Variants in SEMA5B observed in about 807,000 individuals in gnomAD.
SEMA5B encodes the protein semaphorin 5B, also known as semaphorin-5B.
In SEMA5B, 66 loss-of-function variants were observed where a neutral mutation model predicts 135.0. The ratio of observed to expected loss-of-function variants is 0.49; its 90% CI spans 0.40 to 0.60. The LOEUF is 0.60. Ranked by LOEUF, SEMA5B falls within the 20% of genes least tolerant of loss-of-function variation. The pLI is 0.00. For missense variants in SEMA5B, 1,501 were observed against 1,566.3 expected (o/e 0.96, Z 0.70); for synonymous variants, 690 against 639.5 (o/e 1.08, Z -1.19).
chr3:122,912,876 CG>C lies in SEMA5B; in HGVS notation c.2691del (p.Glu898SerfsTer154). 1.2e-6 allele frequency: 2 copies of C among 1,604,710 alleles called. No individual in the cohort carries two copies. The highest frequency in any genetic ancestry group is 1.7e-6 in the Non-Finnish European group (2 of 1,175,218). On this transcript the variant is annotated frameshift_variant, in exon 18 of 23. Transcript: ENST00000357599. LOFTEE classifies it high-confidence loss of function. Reference protein sequence around the residue: ...NGGLPCVGDAAEYQDCNPQAC... With the variant: ...NGGLPCVGDAXEYQDCNPQAC... The stretch of plus-strand genomic sequence containing the variant: ...GCCTGGGGGTTGCAGTCCTGGTACT[CG>C]GCAGCATCGCCCACGCAGGGCAGGC...
intron 1 of SEMA5B, among the ~76,000 whole-genome samples, chr3:123,023,783 T>C (rs1942742741): frequency 6.6e-6 from 1 of 152,226 alleles, no homozygotes; most frequent in Admixed American, 6.5e-5. Flanking sequence ...CCCTTAGTCA[T>C]GCTGATTTAC....
At chr3:122,972,990 C>G (rs1403631713) in intron 1 of SEMA5B, among the ~76,000 whole-genome samples, 3 of 152,172 alleles carry the variant, frequency 2.0e-5, no homozygotes, top group Non-Finnish European at 4.4e-5. Context: ...CCACTGGGAG[C>G]TGGGAGCCTG....
intron 1 of SEMA5B, among the ~76,000 whole-genome samples, chr3:122,995,707 A>T (rs1196765492): frequency 6.6e-6 from 1 of 152,178 alleles, no homozygotes; most frequent in African/African-American, 2.4e-5. Context: ...GGGGGCCAGG[A>T]GGTTTGGGTT....
intron 1 of SEMA5B, among the ~76,000 whole-genome samples, chr3:122,969,669 C>T (rs1576377164): frequency 1.3e-5 from 2 of 152,298 alleles, no homozygotes; most frequent in Non-Finnish European, 2.9e-5. Context: ...ATTGATATTT[C>T]TGTGTCCCAC....
chr3:122,948,349 G>A (rs1208951074), intron 3 of SEMA5B, among the ~76,000 whole-genome samples, 157 bp downstream of exon 3: 3 of 152,180 alleles, frequency 2.0e-5, no homozygotes, highest in African/African-American at 7.2e-5. Flanking sequence ...AAAACATCCA[G>A]CACCAGAGGA....
chr3:122,948,456 T>C (rs1490665015), intron 3 of SEMA5B, 50 bp downstream of exon 3: 1 of 1,516,388 alleles, frequency 6.6e-7, no homozygotes. Flanking sequence ...ACCTAAGTCC[T>C]TCAGGACACG....
chr3:123,000,856 C>A (rs1222056865), intron 1 of SEMA5B, among the ~76,000 whole-genome samples: 1 of 152,172 alleles, frequency 6.6e-6, no homozygotes, highest in African/African-American at 2.4e-5. Flanking sequence ...CCAAAACAGC[C>A]CCATACTTTC....
At chr3:122,966,507 A>C (rs1940826335) in intron 1 of SEMA5B, among the ~76,000 whole-genome samples, 1 of 151,510 alleles carries the variant, frequency 6.6e-6, no homozygotes, top group Admixed American at 6.6e-5. Flanking sequence ...GGGAGTGCCA[A>C]CTCAGCATGG....
chr3:122,953,561 C>T (rs975311233), intron 2 of SEMA5B, among the ~76,000 whole-genome samples: 1 of 152,130 alleles, frequency 6.6e-6, no homozygotes, highest in Non-Finnish European at 1.5e-5. Flanking sequence ...AAGGGAAGGA[C>T]AGGACATGAC....
upstream of SEMA5B, chr3:123,028,580 C>T (rs1942862618): frequency 6.6e-6 from 1 of 152,070 alleles, no homozygotes; most frequent in African/African-American, 2.4e-5. Flanking sequence ...AGGTTTAGCG[C>T]AATCACAAGG....
chr3:122,931,836 T>C (rs959439527), intron 5 of SEMA5B, among the ~76,000 whole-genome samples: 3 of 152,134 alleles, frequency 2.0e-5, no homozygotes, highest in Non-Finnish European at 4.4e-5. Context: ...ACAGGTTTTC[T>C]GACACACCAG....
In SEMA5B at chr3:122,926,660, C is replaced by T; in HGVS notation, c.868G>A (p.Ala290Thr). The T allele has an allele frequency of 6.2e-7, 1 of 1,611,526 alleles. No homozygotes were observed. The highest frequency in any genetic ancestry group is 8.5e-7 in the Non-Finnish European group (1 of 1,177,740). The change falls in exon 9 of 23, where the codon GCC (alanine) becomes ACC (threonine). Residue 290 changes from alanine to threonine, a missense_variant. By Grantham distance (58) the Ala-to-Thr change is moderately conservative (BLOSUM62 0). This residue lies in a region of SEMA5B where 574 missense variants were observed against 684.7 expected (regional missense o/e 0.84). Coordinates refer to ENST00000357599, the MANE Select transcript of SEMA5B (RefSeq NM_001031702.4). ...TATGCAAACAGCCCAATATCATAGG[C>T]TGCCACGAAGTTTGGCTCTGGGTGG... ...KWLNEPNFVA[A>T]YDIGLFAYFF...
At chr3:122,914,520 C>A (rs1042062664) in intron 14 of SEMA5B, among the ~76,000 whole-genome samples, 1 of 152,202 alleles carries the variant, frequency 6.6e-6, no homozygotes, top group African/African-American at 2.4e-5. Context: ...GTTACTAGAA[C>A]CTTCTGTAAC....
At chr3:123,026,755 A>G (rs1427568513) in intron 1 of SEMA5B, among the ~76,000 whole-genome samples, 1 of 152,118 alleles carries the variant, frequency 6.6e-6, no homozygotes, top group Non-Finnish European at 1.5e-5. Flanking sequence ...ACAAATTACC[A>G]TGAGAAACAT....
intron 1 of SEMA5B, among the ~76,000 whole-genome samples, chr3:122,991,416 T>C (rs1941873798): frequency 6.6e-6 from 1 of 152,132 alleles, no homozygotes; most frequent in African/African-American, 2.4e-5. Flanking sequence ...ATTTTGCCCT[T>C]GGGGGAACTT....
chr3:122,923,795 C>T (rs774124161), intron 9 of SEMA5B, 43 bp from the exon 10 acceptor site: 1 of 1,611,624 alleles, frequency 6.2e-7, no homozygotes, highest in Non-Finnish European at 8.5e-7. Context: ...CCCTGTAAGA[C>T]CTGGCACCCT....
intron 1 of SEMA5B, among the ~76,000 whole-genome samples, chr3:123,007,439 C>T (rs967131325): frequency 5.9e-5 from 9 of 152,174 alleles, no homozygotes; most frequent in African/African-American, 1.9e-4. Context: ...TCCCCTTATC[C>T]ATACTGCTAT....
At chr3:122,915,398 C>G (rs745571373) in intron 14 of SEMA5B, 42 bp downstream of exon 14, 1 of 1,555,530 alleles carries the variant, frequency 6.4e-7, no homozygotes, top group South Asian at 1.2e-5. Context: ...TCTCCCCACC[C>G]TGGTCCAAGG....
At chr3:122,949,008 T>G (rs555195113) in intron 2 of SEMA5B, among the ~76,000 whole-genome samples, 212 of 152,332 alleles carry the variant, frequency 1.4e-3, no homozygotes, top group African/African-American at 5.0e-3. Context: ...GGGATTTTAA[T>G]AAATGGAGCT....
Sources: gnomAD v4.1 joint callset for allele counts (sites outside exome capture counted in the v4.1 genomes callset) on GRCh38, gnomAD v4.1.1 for gene constraint, gnomAD v4.1.1 regional missense constraint, MANE v1.5 for transcripts, NCBI Gene and HGNC (gene_info 2026-07-23, HGNC 2026-07-21) for gene names.